HNF1A: variants seen among roughly 807,000 people sequenced by gnomAD.
HNF1A encodes the protein hepatocyte nuclear factor 1-alpha.
Under a neutral mutation model 62.2 loss-of-function variants are expected in HNF1A, and 21 were observed. The ratio of observed to expected loss-of-function variants is 0.34; its 90% CI spans 0.24 to 0.49. The LOEUF is 0.49. HNF1A is among the 20% of genes least tolerant of loss of function. The pLI, the probability that HNF1A is intolerant of heterozygous loss-of-function variation, is 0.99. For missense variants in HNF1A, 687 were observed against 832.3 expected (o/e 0.83, Z 2.15); for synonymous variants, 374 against 366.8 (o/e 1.02, Z -0.22).
rs201811844 is a variant in HNF1A at position 120,997,569 on chromosome 12, C to T, written c.1405C>T (p.His469Tyr). Residue 469 changes from histidine (H) to tyrosine (Y), a missense_variant, in exon 7 of 10, where the codon CAC becomes TAC. By Grantham distance (83) the His-to-Tyr change is moderately conservative. Transcript: ENST00000257555. ...GCCCGTCCAGTTCTCCCAGCCGCTG[C>T]ACCCCTCCTACCAGCAGCCGCTCAT... ...LQPVQFSQPL[H>Y]PSYQQPLMPP... The T allele has an allele frequency of 1.4e-4, 227 of 1,613,694 alleles. No homozygotes were observed. The highest frequency in any genetic ancestry group is 1.8e-4 in the Non-Finnish European group (215 of 1,180,014).
chr12:120,979,313 G>A (rs1391670625), intron 1 of HNF1A, among the ~76,000 whole-genome samples: 6 of 152,208 alleles, frequency 3.9e-5, no homozygotes, highest in African/African-American at 1.4e-4. Context: ...AATCCCATGA[G>A]CCCAGGCCTT....
intron 1 of HNF1A, among the ~76,000 whole-genome samples, chr12:120,982,617 G>A (rs1206062736): frequency 6.6e-6 from 1 of 152,100 alleles, no homozygotes; most frequent in Non-Finnish European, 1.5e-5. Flanking sequence ...TTGTCCACAG[G>A]GTTAAATGGC....
chr12:120,995,214 A>G (rs1877041312), intron 4 of HNF1A, among the ~76,000 whole-genome samples: 1 of 150,352 alleles, frequency 6.7e-6, no homozygotes, highest in African/African-American at 2.5e-5. Flanking sequence ...ACTCTACTCC[A>G]TCCACTCCAT....
intron 1 of HNF1A, 67 bp downstream of exon 1, chr12:120,979,161 G>A (rs1407861296): frequency 3.5e-6 from 5 of 1,417,058 alleles, no homozygotes; most frequent in South Asian, 2.4e-5. Context: ...CTCCTAACGA[G>A]CCCCCCTTCT....
intron 9 of HNF1A, chr12:121,000,672 C>G (rs1326544381): frequency 3.4e-6 from 1 of 296,104 alleles, no homozygotes; most frequent in Non-Finnish European, 6.6e-6. Context: ...GAGGCCCACC[C>G]ATATTTTCAG....
chr12:120,980,183 C>G (rs1292610115), intron 1 of HNF1A, among the ~76,000 whole-genome samples: 1 of 152,132 alleles, frequency 6.6e-6, no homozygotes, highest in Admixed American at 6.6e-5. Flanking sequence ...GGCTTAGAGC[C>G]GGGAAGGAGC....
chr12:120,990,652 G>GTAGGAAAGGGAGGAAAGGGAGGAAAGA (rs1876785704), intron 2 of HNF1A, among the ~76,000 whole-genome samples: 2 of 96,574 alleles, frequency 2.1e-5, no homozygotes, highest in Admixed American at 1.2e-4. Flanking sequence ...GGGAGGAAAG[G>GTAGGAAAGGGAGGAAAGGGAGGAAAGA]TAGGAAAGGG....
At chr12:120,995,688 T>C (rs1214278570) in intron 4 of HNF1A, among the ~76,000 whole-genome samples, 1 of 151,320 alleles carries the variant, frequency 6.6e-6, no homozygotes, top group African/African-American at 2.4e-5. Flanking sequence ...TTCATTCCAC[T>C]CCACGCCACA....
chr12:120,997,923 T>C (rs1248390246), intron 7 of HNF1A: 3 of 658,954 alleles, frequency 4.6e-6, no homozygotes, highest in Non-Finnish European at 8.5e-6. Context: ...TTTGTGTGCA[T>C]GCCTGTGTTT....
chr12:120,990,644 G>T (rs56108875), intron 2 of HNF1A, among the ~76,000 whole-genome samples: 204 of 100,054 alleles, frequency 2.0e-3, no homozygotes, highest in African/African-American at 4.2e-3. Flanking sequence ...ATAGGAAAGG[G>T]AGGAAAGGTA....
At chr12:120,999,215 C>T in intron 7 of HNF1A, 53 bp from the exon 8 acceptor site, 1 of 1,608,548 alleles carries the variant, frequency 6.2e-7, no homozygotes, top group South Asian at 1.1e-5. Context: ...AGGCCTGGGA[C>T]TAGGGCTGTC....
chr12:120,997,021 G>A, intron 6 of HNF1A: 1 of 1,489,154 alleles, frequency 6.7e-7, no homozygotes, highest in Non-Finnish European at 9.0e-7. Context: ...AATTACAGCA[G>A]GGTAAGGGGG....
intron 2 of HNF1A, among the ~76,000 whole-genome samples, chr12:120,990,504 G>A (rs1876767300): frequency 6.6e-6 from 1 of 152,152 alleles, no homozygotes. Context: ...TGAGGAGGCT[G>A]AGGTGGGAGG....
At position 120,994,319 on chromosome 12, in the gene HNF1A, C is replaced by A. The variant is rs778231679; in HGVS notation, c.869C>A (p.Pro290His). The A allele has an allele frequency of 1.9e-5, 30 of 1,610,224 alleles. No individual in the cohort carries two copies. The highest frequency in any genetic ancestry group is 5.5e-5 in the South Asian group (5 of 90,520). Reference sequence around the variant, plus strand: ...GCCATGGACACGTACAGCGGGCCCCCCCCAGGGCCAGGCCCGGGACCTGCG... The same window carrying A: ...GCCATGGACACGTACAGCGGGCCCCACCCAGGGCCAGGCCCGGGACCTGCG... The part of the protein sequence containing the change: ...KLAMDTYSGP[P>H]PGPGPGPALP... The change falls in exon 4 of 10, where the codon CCC (proline) becomes CAC (histidine). Residue 290 changes from proline to histidine, a missense_variant. By Grantham distance (77) the Pro-to-His change is moderately conservative. This residue lies in a region of HNF1A where 408 missense variants were observed against 455.3 expected (regional missense o/e 0.90). Transcript: ENST00000257555.
intron 2 of HNF1A, among the ~76,000 whole-genome samples, chr12:120,992,815 C>A (rs56360386): frequency 0.042 from 6,448 of 152,176 alleles, 181 homozygotes; most frequent in South Asian, 0.11. Context: ...GGTGTGTAGT[C>A]CTAGCCACTT....
Position 121,001,781 on chromosome 12 carries a change from C to A in HNF1A, c.*589C>A, listed in dbSNP as rs55962050. The A allele has an allele frequency of 4.5e-5, 24 of 536,308 alleles. No individual in the cohort carries two copies. The East Asian group carries it at 8.9e-4, about 20-fold the overall frequency. The allele number at this position is 536,308 out of a possible 1,614,324, so 33.2% of individuals were successfully genotyped here. ...CCTGGGTGGCTACTCTGTGCCAGAG[C>A]CTGGGGCTCTAACGCCTGAGCCCAG... On this transcript the variant is annotated 3_prime_UTR_variant, in exon 10 of 10. Coordinates refer to ENST00000257555, the MANE Select transcript of HNF1A (RefSeq NM_000545.8).
At chr12:120,990,151 T>C (rs1358109322) in intron 2 of HNF1A, among the ~76,000 whole-genome samples, 1 of 152,176 alleles carries the variant, frequency 6.6e-6, no homozygotes, top group African/African-American at 2.4e-5. Context: ...ATTATTTTTT[T>C]ATTTTTTTGA....
At chr12:120,985,201 C>T (rs1876449481) in intron 1 of HNF1A, among the ~76,000 whole-genome samples, 1 of 151,700 alleles carries the variant, frequency 6.6e-6, no homozygotes, top group Non-Finnish European at 1.5e-5. Flanking sequence ...CCACCTTAGC[C>T]TCCTGAGGAG....
At chr12:120,994,529 T>C (rs1876993588) in intron 4 of HNF1A, 124 bp downstream of exon 4, 2 of 1,046,334 alleles carry the variant, frequency 1.9e-6, no homozygotes, top group East Asian at 5.2e-5. Flanking sequence ...TTCATGCCAC[T>C]CCTTATCACT....
Sources: gnomAD v4.1 joint callset for allele counts (sites outside exome capture counted in the v4.1 genomes callset) on GRCh38, gnomAD v4.1.1 for gene constraint, gnomAD v4.1.1 regional missense constraint, MANE v1.5 for transcripts, NCBI Gene and HGNC (gene_info 2026-07-23, HGNC 2026-07-21) for gene names.